BICRAL: variants seen among roughly 807,000 people sequenced by gnomAD.
BICRAL encodes BICRA like chromatin remodeling complex associated protein, also known as BRD4-interacting chromatin-remodeling complex-associated protein-like.
BICRAL carries 8 observed loss-of-function variants against 91.8 expected under a neutral mutation model. The observed-to-expected ratio is 0.09, with a 90% CI of 0.05 to 0.16. The LOEUF (loss-of-function observed/expected upper bound fraction) is 0.16. Ranked by LOEUF, BICRAL falls within the 10% of genes least tolerant of loss-of-function variation. The pLI is 1.00. For synonymous variants in BICRAL, 445 were observed against 491.1 expected (o/e 0.91, Z 1.24); for missense variants, 1,038 against 1,310.9 (o/e 0.79, Z 3.21).
At position 42,830,068 on chromosome 6, in the gene BICRAL, G is replaced by A; in HGVS notation, c.1735G>A (p.Val579Ile). The A allele has an allele frequency of 1.2e-6, 2 of 1,614,204 alleles. No individual in the cohort carries two copies. The highest frequency in any genetic ancestry group is 2.2e-5 in the South Asian group (2 of 91,086). The change falls in exon 6 of 13, where the codon GTA (valine) becomes ATA (isoleucine). Residue 579 changes from valine (V) to isoleucine (I), a missense_variant. Physicochemically the swap from Val to Ile is conservative, Grantham distance 29. This residue lies in a region of BICRAL where 532 missense variants were observed against 724.9 expected (regional missense o/e 0.73). Transcript: ENST00000314073. ...DQLTQPNRTPVPVSVSHRLPV... is the reference protein window; with the variant it reads ...DQLTQPNRTPIPVSVSHRLPV... Reference sequence around the variant, plus strand: ...GCTGACCCAGCCAAACAGGACTCCAGTACCAGTCAGTGTGTCTCATCGTCT... The same window carrying A: ...GCTGACCCAGCCAAACAGGACTCCAATACCAGTCAGTGTGTCTCATCGTCT...
chr6:42,868,074 T>TC lies in BICRAL; in HGVS notation c.*2628_*2629insC, dbSNP rs991980712. On this transcript the variant is annotated 3_prime_UTR_variant, in exon 13 of 13. Transcript: ENST00000314073. ...CTCAGTAACAAAAATCATTTTCTTT[T>TC]TTTTTTTTTTTTTCTGTTGTGGAAA... 2 of 151,452 alleles carry TC rather than the reference T, an allele frequency of 1.3e-5. No individual in the cohort carries two copies. The highest frequency in any genetic ancestry group is 4.9e-5 in the African/African-American group (2 of 41,224). The allele number at this position is 151,452 out of a possible 1,614,324, so 9.4% of individuals were successfully genotyped here.
chr6:42,851,729 TAGTC>T lies in BICRAL; in HGVS notation c.1840-360_1840-357del, dbSNP rs367642188. On this transcript the variant is annotated intron_variant, in intron 6 of 12. Coordinates refer to ENST00000314073, the MANE Select transcript of BICRAL (RefSeq NM_001393499.1). ...TGTGCAGACCCCACATAGGAGCTGA[TAGTC>T]AGGATCATAATCCTAGCAGGCAGGA... 1.8e-4 allele frequency among the ~76,000 whole-genome samples: 28 copies of T among 152,258 alleles called. No homozygotes were observed. In the South Asian group the frequency reaches 3.7e-3, roughly 20 times the overall value.
At chr6:42,753,196 G>A (rs1762407738) in intron 1 of BICRAL, among the ~76,000 whole-genome samples, 2 of 152,056 alleles carry the variant, frequency 1.3e-5, no homozygotes, top group Non-Finnish European at 2.9e-5. Context: ...CAAGGTGCTA[G>A]GATTACAGGC....
At chr6:42,748,104 C>CTTTTTT (rs35511368) in intron 1 of BICRAL, among the ~76,000 whole-genome samples, 1 of 124,582 alleles carries the variant, frequency 8.0e-6, no homozygotes, top group Non-Finnish European at 1.7e-5. Context: ...GTGCCTGGCC[C>CTTTTTT]TTTTTTTTTT....
chr6:42,842,354 C>T (rs1320007278), intron 6 of BICRAL, among the ~76,000 whole-genome samples: 2 of 152,174 alleles, frequency 1.3e-5, no homozygotes, highest in Non-Finnish European at 2.9e-5. Flanking sequence ...CTGCTTTCGT[C>T]CTCTTCCTAA....
intron 1 of BICRAL, among the ~76,000 whole-genome samples, chr6:42,765,740 G>T (rs1473914689): frequency 6.6e-6 from 1 of 152,106 alleles, no homozygotes; most frequent in East Asian, 1.9e-4. Context: ...GCGATTCCTG[G>T]TGCTCTCTTG....
intron 6 of BICRAL, among the ~76,000 whole-genome samples, chr6:42,832,880 A>G (rs543524239): frequency 1.3e-5 from 2 of 152,250 alleles, no homozygotes; most frequent in East Asian, 3.9e-4. Context: ...ATGAACATTA[A>G]GAAATCAGCA....
At chr6:42,759,581 G>A (rs1762514182) in intron 1 of BICRAL, among the ~76,000 whole-genome samples, 1 of 152,154 alleles carries the variant, frequency 6.6e-6, no homozygotes, top group African/African-American at 2.4e-5. Context: ...GTGGAACTGG[G>A]TCTGTGGTGA....
chr6:42,763,207 C>T (rs912386349), intron 1 of BICRAL, among the ~76,000 whole-genome samples: 2 of 152,094 alleles, frequency 1.3e-5, no homozygotes, highest in African/African-American at 4.8e-5. Flanking sequence ...GTAATCTTGC[C>T]AGGAGGGTAA....
At chr6:42,797,491 T>C (rs921956824) in intron 1 of BICRAL, among the ~76,000 whole-genome samples, 5 of 152,190 alleles carry the variant, frequency 3.3e-5, no homozygotes, top group African/African-American at 1.2e-4. Flanking sequence ...ATCTGAGTTC[T>C]AGCATCTTGC....
chr6:42,765,686 A>G (rs371108312), intron 1 of BICRAL, among the ~76,000 whole-genome samples: 1 of 152,224 alleles, frequency 6.6e-6, no homozygotes, highest in Admixed American at 6.5e-5. Flanking sequence ...TGAGTTCCCC[A>G]GAAAGCCAGA....
chr6:42,770,418 T>A (rs58016878), intron 1 of BICRAL, among the ~76,000 whole-genome samples: 33,503 of 136,492 alleles, frequency 0.25, 4,206 homozygotes, highest in East Asian at 0.35. Context: ...TATTATTTTT[T>A]TTTTTTTTTT....
chr6:42,801,472 C>T (rs977614347), intron 1 of BICRAL, among the ~76,000 whole-genome samples: 7 of 152,032 alleles, frequency 4.6e-5, no homozygotes, highest in African/African-American at 9.7e-5. Context: ...GGAATGCAAA[C>T]GGCAGTGTCC....
intron 1 of BICRAL, among the ~76,000 whole-genome samples, chr6:42,803,278 C>T (rs1763625500): frequency 1.3e-5 from 2 of 152,162 alleles, no homozygotes; most frequent in East Asian, 3.9e-4. Flanking sequence ...ATCTTTTATT[C>T]TGTGGATCTT....
Position 42,748,104 on chromosome 6 carries a change from CTT to C in BICRAL, c.-261+1101_-261+1102del, listed in dbSNP as rs35511368. ...CAGGCATGAGCCACTGTGCCTGGCC[CTT>C]TTTTTTTTTTTTTTTTTTTCCAGAA... On this transcript the variant is annotated intron_variant, in intron 1 of 14. Coordinates refer to the BICRAL transcript ENST00000614467. Among the ~76,000 whole-genome samples, 879 of 124,540 alleles carry C rather than the reference CTT, an allele frequency of 7.1e-3. 10 individuals are homozygous for C. The highest frequency in any genetic ancestry group is 0.025 in the African/African-American group (829 of 33,486). 81.7% of individuals were successfully genotyped at this position (124,540 alleles called of 152,430 possible). A position where few individuals can be genotyped will look rare whatever the true frequency, so the allele number is the denominator to read the frequency against.
chr6:42,748,358 A>G (rs1379668402), intron 1 of BICRAL, among the ~76,000 whole-genome samples: 1 of 152,190 alleles, frequency 6.6e-6, no homozygotes. Context: ...TTGTAGCTAA[A>G]GAAGGTTTAT....
At chr6:42,752,853 T>C (rs113046485) in intron 1 of BICRAL, among the ~76,000 whole-genome samples, 63 of 150,950 alleles carry the variant, frequency 4.2e-4, no homozygotes, top group African/African-American at 1.5e-3. Flanking sequence ...TCCACCTGCC[T>C]CTGCTTCCCA....
intron 1 of BICRAL, among the ~76,000 whole-genome samples, chr6:42,752,912 CTTTTTTTTT>C (rs57864510): frequency 1.5e-4 from 12 of 82,230 alleles, no homozygotes; most frequent in Non-Finnish European, 2.1e-4. Flanking sequence ...CCCCAGCTGA[CTTTTTTTTT>C]TTTTTTTTTT....
At chr6:42,808,554 A>T (rs1763775751) in intron 1 of BICRAL, among the ~76,000 whole-genome samples, 1 of 152,192 alleles carries the variant, frequency 6.6e-6, no homozygotes, top group African/African-American at 2.4e-5. Flanking sequence ...GTTGATGATC[A>T]TTCCTTTATA....
Sources: allele counts gnomAD v4.1 joint callset (sites outside exome capture counted in the v4.1 genomes callset), GRCh38; gene constraint gnomAD v4.1.1; regional missense constraint gnomAD v4.1.1; transcripts MANE v1.5; gene names NCBI Gene and HGNC (gene_info 2026-07-23, HGNC 2026-07-21).